CDH18: variants seen among roughly 807,000 people sequenced by gnomAD.
CDH18 encodes cadherin 18.
A neutral mutation model predicts 67.9 loss-of-function variants in CDH18; 31 were observed. That is an observed-to-expected ratio of 0.46 (90% confidence interval 0.34 to 0.62). The LOEUF is 0.62. Among genes scored for constraint, CDH18 ranks in the 20% least tolerant of loss-of-function variants. The pLI is 0.01. For synonymous variants in CDH18, 362 were observed against 347.2 expected (o/e 1.04, Z -0.48); for missense variants, 890 against 975.5 (o/e 0.91, Z 1.17).
chr5:19,735,545 A>G (rs1244525519), intron 4 of CDH18, among the ~76,000 whole-genome samples: 9 of 151,704 alleles, frequency 5.9e-5, no homozygotes, highest in South Asian at 2.1e-4. Flanking sequence ...ACAGGCGCCC[A>G]CCACCACGCC....
Position 19,591,238 on chromosome 5 carries a change from T to C in CDH18, c.818A>G (p.Tyr273Cys). The C allele has an allele frequency of 1.3e-6, 2 of 1,594,546 alleles. No homozygotes were observed. The highest frequency in any genetic ancestry group is 1.7e-6 in the Non-Finnish European group (2 of 1,171,380). The change falls in exon 7 of 13, where the codon TAT becomes TGT. Residue 273 changes from tyrosine (Y) to cysteine (C), a missense_variant. Tyr to Cys is a radical substitution (Grantham distance 194). This residue lies in a region of CDH18 where 656 missense variants were observed against 668.1 expected (regional missense o/e 0.98). Coordinates refer to ENST00000382275, the MANE Select transcript of CDH18 (RefSeq NM_004934.5). ...DNPPRFPQKHYQLYVPESAQV... is the reference protein window; with the variant it reads ...DNPPRFPQKHCQLYVPESAQV... ...AGCTGACTCAGGAACATATAGCTGA[T>C]AGTGTTCTGGAAGACATTTCATATT...
chr5:19,612,706 T>C, intron 5 of CDH18, 105 bp from the exon 6 acceptor site: 1 of 886,538 alleles, frequency 1.1e-6, no homozygotes, highest in Non-Finnish European at 1.7e-6. Context: ...ATAGCATATT[T>C]TTGGGATAAA....
intron 2 of CDH18, among the ~76,000 whole-genome samples, chr5:19,970,005 A>G (rs1797869580): frequency 6.6e-6 from 1 of 152,024 alleles, no homozygotes; most frequent in South Asian, 2.1e-4. Flanking sequence ...TGGAAATAAA[A>G]GACCCGATTA....
Position 20,493,015 on chromosome 5 carries a change from C to T in CDH18, c.-580+82447G>A, listed in dbSNP as rs976917279. On this transcript the variant is annotated intron_variant, in intron 1 of 14. Coordinates refer to the CDH18 transcript ENST00000507958. ...GAGTTAAAAACAGGATTATTTGTGTCATGCACTATGGAAATACTTCAATGT... is the reference window on the plus strand; with the variant it reads ...GAGTTAAAAACAGGATTATTTGTGTTATGCACTATGGAAATACTTCAATGT... Among the ~76,000 whole-genome samples, 4 of 152,110 alleles carry T rather than the reference C, an allele frequency of 2.6e-5. No individual in the cohort carries two copies. In the South Asian group the frequency reaches 6.2e-4, roughly 24 times the overall value.
chr5:19,533,711 T>A (rs1319456457), intron 9 of CDH18, among the ~76,000 whole-genome samples: 1 of 152,084 alleles, frequency 6.6e-6, no homozygotes, highest in Non-Finnish European at 1.5e-5. Flanking sequence ...GGCCAGAGAC[T>A]TGGCATGGAC....
At chr5:19,584,825 A>C (rs1743894014) in intron 7 of CDH18, among the ~76,000 whole-genome samples, 1 of 150,182 alleles carries the variant, frequency 6.7e-6, no homozygotes, top group African/African-American at 2.4e-5. Context: ...AAAAAAGAAA[A>C]AGAAAAAGAA....
intron 1 of CDH18, among the ~76,000 whole-genome samples, chr5:20,517,011 C>A (rs1221713307): frequency 2.0e-5 from 3 of 151,900 alleles, no homozygotes; most frequent in African/African-American, 7.2e-5. Flanking sequence ...TCTTAAAGCA[C>A]ATTTTGTAGT....
chr5:19,942,926 T>C (rs751172815), intron 2 of CDH18, among the ~76,000 whole-genome samples: 2 of 152,132 alleles, frequency 1.3e-5, no homozygotes, highest in Non-Finnish European at 2.9e-5. Context: ...GCCTTGGAGA[T>C]GGGACTGGGT....
chr5:19,781,484 T>C (rs944088927), intron 3 of CDH18, among the ~76,000 whole-genome samples: 3 of 152,082 alleles, frequency 2.0e-5, no homozygotes, highest in African/African-American at 7.2e-5. Context: ...AAAGAGCAGG[T>C]GTAAGCAGTA....
chr5:20,216,700 C>T (rs1740800782), intron 2 of CDH18, among the ~76,000 whole-genome samples: 1 of 151,902 alleles, frequency 6.6e-6, no homozygotes, highest in Non-Finnish European at 1.5e-5. Flanking sequence ...CTGTAGATTC[C>T]TTCTTGTCCT....
chr5:19,977,299 C>T lies in CDH18; in HGVS notation c.-257+3761G>A, dbSNP rs561834593. On this transcript the variant is annotated intron_variant, in intron 2 of 12. Coordinates refer to ENST00000382275, the MANE Select transcript of CDH18 (RefSeq NM_004934.5). ...AGATCAGATGCTGATGTAATCTCGG[C>T]AAACTGGTGCTTTCACAGGCTTTGC... Among the ~76,000 whole-genome samples, 103 of 152,258 alleles carry T rather than the reference C, an allele frequency of 6.8e-4. 1 individual carries two copies. The highest frequency in any genetic ancestry group is 1.2e-3 in the Non-Finnish European group (82 of 68,008).
intron 2 of CDH18, among the ~76,000 whole-genome samples, chr5:19,959,761 T>C (rs954184521): frequency 2.6e-5 from 4 of 152,148 alleles, no homozygotes; most frequent in Non-Finnish European, 4.4e-5. Flanking sequence ...CTTCAATGAT[T>C]TCATTCTTGT....
chr5:20,227,910 TC>T (rs1397292408), intron 2 of CDH18, among the ~76,000 whole-genome samples: 1 of 152,158 alleles, frequency 6.6e-6, no homozygotes, highest in African/African-American at 2.4e-5. Context: ...TATCACTTCT[TC>T]CATTTCACTT....
chr5:20,441,921 A>G (rs974145911), intron 1 of CDH18, among the ~76,000 whole-genome samples: 1 of 142,332 alleles, frequency 7.0e-6, no homozygotes, highest in Non-Finnish European at 1.6e-5. Flanking sequence ...ATAATGTCTT[A>G]TGTGCAATAA....
intron 1 of CDH18, among the ~76,000 whole-genome samples, chr5:20,299,926 G>A (rs546597718): frequency 3.2e-4 from 48 of 152,194 alleles, no homozygotes; most frequent in African/African-American, 1.2e-3. Context: ...TCTTTATGTA[G>A]GGAAAGTAAA....
intron 2 of CDH18, among the ~76,000 whole-genome samples, chr5:20,238,653 T>C (rs962168455): frequency 2.0e-5 from 3 of 152,068 alleles, no homozygotes; most frequent in Non-Finnish European, 2.9e-5. Flanking sequence ...AAACATATAT[T>C]AAAAATATGA....
chr5:19,691,469 G>A (rs1761878224), intron 5 of CDH18, among the ~76,000 whole-genome samples: 1 of 151,676 alleles, frequency 6.6e-6, no homozygotes. Context: ...TTGCTGATAA[G>A]GTAATCTTAT....
At chr5:19,493,706 T>C (rs1486850) in intron 11 of CDH18, among the ~76,000 whole-genome samples, 42,897 of 152,090 alleles carry the variant, frequency 0.28, 6,226 homozygotes, top group South Asian at 0.39. Context: ...TATATGTGAT[T>C]ATATTCAACA....
At chr5:19,951,452 T>C (rs954960138) in intron 2 of CDH18, among the ~76,000 whole-genome samples, 15 of 152,176 alleles carry the variant, frequency 9.9e-5, no homozygotes, top group Non-Finnish European at 2.2e-4. Flanking sequence ...ACAGTATCTA[T>C]TTGAAATAGG....
Sources: allele counts gnomAD v4.1 joint callset (sites outside exome capture counted in the v4.1 genomes callset), GRCh38; gene constraint gnomAD v4.1.1; regional missense constraint gnomAD v4.1.1; transcripts MANE v1.5; gene names NCBI Gene and HGNC (gene_info 2026-07-23, HGNC 2026-07-21).